Variants in FAM171A1 observed in about 807,000 individuals in gnomAD.
The protein encoded by FAM171A1 is protein FAM171A1.
A neutral mutation model predicts 74.9 loss-of-function variants in FAM171A1; 23 were observed. The ratio of observed to expected loss-of-function variants is 0.31; its 90% CI spans 0.22 to 0.44. FAM171A1 has a LOEUF of 0.44. Ranked by LOEUF, FAM171A1 falls within the 20% of genes least tolerant of loss-of-function variation. The probability of loss-of-function intolerance (pLI) is 1.00; values close to 1 mark genes in which losing one functional copy is unlikely to be tolerated. For synonymous variants in FAM171A1, 527 were observed against 505.7 expected (o/e 1.04, Z -0.57); for missense variants, 1,162 against 1,159.2 (o/e 1.00, Z -0.03).
chr10:15,365,734 C>T (rs139478761), intron 1 of FAM171A1, among the ~76,000 whole-genome samples: 3,729 of 149,964 alleles, frequency 0.025, 154 homozygotes, highest in African/African-American at 0.087. Flanking sequence ...TGCACCACTG[C>T]ACTCCAGCCT....
intron 1 of FAM171A1, among the ~76,000 whole-genome samples, chr10:15,310,690 C>T (rs1050471024): frequency 1.3e-5 from 2 of 151,958 alleles, no homozygotes; most frequent in Non-Finnish European, 2.9e-5. Flanking sequence ...GGTGAAACCC[C>T]GTCTACTACA....
chr10:15,270,954 TA>T (rs1472781463), intron 3 of FAM171A1, among the ~76,000 whole-genome samples: 2 of 152,232 alleles, frequency 1.3e-5, no homozygotes, highest in Non-Finnish European at 2.9e-5. Flanking sequence ...CTGAAAATTC[TA>T]AAAATCAGAG....
intron 5 of FAM171A1, among the ~76,000 whole-genome samples, chr10:15,239,086 G>C (rs957825555): frequency 6.6e-6 from 1 of 152,078 alleles, no homozygotes; most frequent in Non-Finnish European, 1.5e-5. Context: ...CTGTACATCA[G>C]ACAGCCATCT....
At chr10:15,329,102 C>T (rs937476132) in intron 1 of FAM171A1, among the ~76,000 whole-genome samples, 10 of 152,028 alleles carry the variant, frequency 6.6e-5, no homozygotes, top group African/African-American at 2.2e-4. Flanking sequence ...GTGGTGATGT[C>T]GGGAAGAAGG....
At chr10:15,239,794 G>A (rs1380895157) in intron 5 of FAM171A1, among the ~76,000 whole-genome samples, 1 of 152,200 alleles carries the variant, frequency 6.6e-6, no homozygotes, top group Non-Finnish European at 1.5e-5. Context: ...TGTGACAAAA[G>A]TCTCGATTCC....
chr10:15,356,745 T>C (rs10752374), intron 1 of FAM171A1, among the ~76,000 whole-genome samples: 49,966 of 151,890 alleles, frequency 0.33, 10,225 homozygotes, highest in East Asian at 0.67. Flanking sequence ...CCGAGGCGGG[T>C]GGATCCCCTG....
chr10:15,232,755 A>G (rs911139698), intron 5 of FAM171A1, among the ~76,000 whole-genome samples: 1 of 152,210 alleles, frequency 6.6e-6, no homozygotes, highest in East Asian at 1.9e-4. Context: ...GGAATCCACA[A>G]AAATCTGATA....
In FAM171A1 at chr10:15,268,828, G is replaced by A. The variant is rs1004404831; in HGVS notation, c.418+7027C>T. Among the ~76,000 whole-genome samples, 3 of 152,306 alleles carry A rather than the reference G, an allele frequency of 2.0e-5. No individual in the cohort carries two copies. In the South Asian group the frequency reaches 6.2e-4, roughly 32 times the overall value. On this transcript the variant is annotated intron_variant, in intron 3 of 7. Transcript: ENST00000378116. ...AGGCCGAGGTGGATGCATCACCTGA[G>A]GTCAGGAGTTTGAGACAAGCCTGGC...
rs1054331720 is a variant in FAM171A1 at position 15,367,605 on chromosome 10, G to A, written c.97+3351C>T. ...TCCTCCTGATACCTTACATGGCTTC[G>A]TGGTCTTTCAACAGATCCCAGTGTT... On this transcript the variant is annotated intron_variant, in intron 1 of 7. Coordinates refer to ENST00000378116, the MANE Select transcript of FAM171A1 (RefSeq NM_001010924.2). 3.3e-5 allele frequency among the ~76,000 whole-genome samples: 5 copies of A among 152,304 alleles called. No individual in the cohort carries two copies. The East Asian group carries it at 9.6e-4, about 29-fold the overall frequency.
At chr10:15,292,129 AGGGGG>A (rs1835109201) in intron 1 of FAM171A1, among the ~76,000 whole-genome samples, 1 of 152,072 alleles carries the variant, frequency 6.6e-6, no homozygotes, top group African/African-American at 2.4e-5. Context: ...GGAAGGGATG[AGGGGG>A]CTCTCTGGGG....
chr10:15,231,411 T>G (rs1834203572), intron 5 of FAM171A1, among the ~76,000 whole-genome samples: 1 of 152,036 alleles, frequency 6.6e-6, no homozygotes, highest in South Asian at 2.1e-4. Context: ...CTATGTTACC[T>G]GAGCAGGTCT....
At chr10:15,227,296 C>T (rs570658139) in intron 5 of FAM171A1, among the ~76,000 whole-genome samples, 37 of 152,234 alleles carry the variant, frequency 2.4e-4, no homozygotes, top group African/African-American at 7.7e-4. Context: ...CCACTGCACC[C>T]GGCCGGAACA....
intron 5 of FAM171A1, 83 bp downstream of exon 5, chr10:15,248,556 A>G: frequency 7.1e-7 from 1 of 1,402,068 alleles, no homozygotes; most frequent in East Asian, 2.4e-5. Context: ...AGGAAAGGAG[A>G]CTTCCATGAG....
intron 1 of FAM171A1, among the ~76,000 whole-genome samples, chr10:15,318,183 C>G (rs773841912): frequency 6.6e-6 from 1 of 152,124 alleles, no homozygotes; most frequent in Non-Finnish European, 1.5e-5. Flanking sequence ...ATGTGACCAG[C>G]AGGAGAGGGG....
Position 15,213,044 on chromosome 10 carries a change from G to A in FAM171A1, c.2544C>T (p.Ala848=). 1 of 1,613,884 alleles carries A rather than the reference G, an allele frequency of 6.2e-7. No individual in the cohort carries two copies. Among genetic ancestry groups the A allele is most frequent in the Non-Finnish European group, 8.5e-7 (1 of 1,179,974 alleles). ...RTADAPSEPA[A]SPHQRRSAHE... is the part of the protein sequence containing the mutation. ...GGGCAGATCTTCTCTGGTGGGGGCT[G>A]GCTGCTGGCTCCGAGGGGGCATCCG... The change falls in exon 8 of 8, where the codon GCC becomes GCT. Residue 848 remains alanine, a synonymous_variant. Transcript: ENST00000378116. The surrounding 1 kb of genome is among the most constrained non-coding windows in gnomAD (Gnocchi z 6.8).
chr10:15,223,201 A>AAAAGGTTT lies in FAM171A1; in HGVS notation c.755-2149_755-2142dup, dbSNP rs1445781821. Among the ~76,000 whole-genome samples, 16 of 152,290 alleles carry AAAAGGTTT rather than the reference A, an allele frequency of 1.1e-4. No homozygotes were observed. The East Asian group carries it at 2.1e-3, about 20-fold the overall frequency. ...CAAAAAATAATTTTAAAAAGTAAGA[A>AAAAGGTTT]AAAGGTTTTCTCTGATGGTAAGAAA... On this transcript the variant is annotated intron_variant, in intron 5 of 7. Coordinates refer to ENST00000378116, the MANE Select transcript of FAM171A1 (RefSeq NM_001010924.2).
Position 15,371,099 on chromosome 10 carries a change from GGGC to G in FAM171A1, c.-50_-48del. On this transcript the variant is annotated 5_prime_UTR_variant, in exon 1 of 8. Coordinates refer to ENST00000378116, the MANE Select transcript of FAM171A1 (RefSeq NM_001010924.2). ...GGCTCGGGCTCGCCGAGAGCGGGCC[GGGC>G]GGCGGCGCGTCACGGGCGGCCGGGC... is the stretch of plus-strand genomic sequence containing the variant. 1 of 888,692 alleles carries G rather than the reference GGGC, an allele frequency of 1.1e-6. No individual in the cohort carries two copies. The highest frequency in any genetic ancestry group is 1.8e-5 in the African/African-American group (1 of 54,144). 55.1% of individuals were successfully genotyped at this position (888,692 alleles called of 1,614,324 possible). A position where few individuals can be genotyped will look rare whatever the true frequency, so the allele number is the denominator to read the frequency against.
At chr10:15,346,440 T>C (rs1297223922) in intron 1 of FAM171A1, among the ~76,000 whole-genome samples, 1 of 152,112 alleles carries the variant, frequency 6.6e-6, no homozygotes, top group Non-Finnish European at 1.5e-5. Flanking sequence ...AAGATCTGTA[T>C]GAAATGAAGA....
chr10:15,244,964 T>A (rs1294792119), intron 5 of FAM171A1, among the ~76,000 whole-genome samples: 1 of 152,186 alleles, frequency 6.6e-6, no homozygotes, highest in Non-Finnish European at 1.5e-5. Flanking sequence ...TAGGCCACAG[T>A]CCCCAGAAAT....
Sources: allele counts gnomAD v4.1 joint callset (sites outside exome capture counted in the v4.1 genomes callset), GRCh38; gene constraint gnomAD v4.1.1; non-coding constraint Gnocchi (gnomAD v3.1); transcripts MANE v1.5; gene names NCBI Gene and HGNC (gene_info 2026-07-23, HGNC 2026-07-21).